The following ELP2 variants were observed in gnomAD, a reference collection of about 807,000 sequenced individuals.
The protein encoded by ELP2 is elongator complex protein 2.
Under a neutral mutation model 119.2 loss-of-function variants are expected in ELP2, and 90 were observed. The ratio of observed to expected loss-of-function variants is 0.75; its 90% CI spans 0.64 to 0.90. ELP2 has a LOEUF of 0.90. ELP2 is among the 40% of genes least tolerant of loss of function. The pLI is 0.00. For synonymous variants in ELP2, 339 were observed against 331.0 expected (o/e 1.02, Z -0.26); for missense variants, 921 against 967.8 (o/e 0.95, Z 0.64).
At chr18:36,173,623 G>C (rs900545935) in intron 21 of ELP2, among the ~76,000 whole-genome samples, 1 of 152,178 alleles carries the variant, frequency 6.6e-6, no homozygotes, top group African/African-American at 2.4e-5. Context: ...ATAGGTTCAG[G>C]AGGACTGATT....
chr18:36,143,993 T>A (rs1354961603), intron 8 of ELP2, among the ~76,000 whole-genome samples: 2 of 152,352 alleles, frequency 1.3e-5, no homozygotes, highest in East Asian at 3.9e-4. Flanking sequence ...CTTAGAACAG[T>A]ATCCCTGGAT....
intron 1 of ELP2, among the ~76,000 whole-genome samples, chr18:36,131,168 T>C (rs1598725917): frequency 6.6e-6 from 1 of 152,166 alleles, no homozygotes; most frequent in East Asian, 1.9e-4. Flanking sequence ...AGCCAGACCC[T>C]ATCTCAAAAA....
chr18:36,173,800 G>C (rs761179851), intron 21 of ELP2, among the ~76,000 whole-genome samples: 1 of 152,066 alleles, frequency 6.6e-6, no homozygotes, highest in Non-Finnish European at 1.5e-5. Context: ...TTTTTGGTTT[G>C]GGAAGCTAAT....
intron 18 of ELP2, among the ~76,000 whole-genome samples, chr18:36,166,197 CA>C (rs11450650): frequency 6.7e-6 from 1 of 148,548 alleles, no homozygotes; most frequent in Admixed American, 6.7e-5. Context: ...CGTCCCCCTG[CA>C]AAAAAAAATT....
chr18:36,168,181 A>G (rs1172413921), intron 19 of ELP2, among the ~76,000 whole-genome samples: 2 of 152,152 alleles, frequency 1.3e-5, no homozygotes, highest in Non-Finnish European at 2.9e-5. Flanking sequence ...GTGGAGTGCT[A>G]GCACAGACAG....
chr18:36,171,133 G>A lies in ELP2; in HGVS notation c.2297G>A (p.Trp766Ter), dbSNP rs1758901416. ...GATCAAGTTCCAGAAATAAATGACT[G>A]GACCCACTGTGTAGAAACAAGTCAA... is the stretch of plus-strand genomic sequence containing the variant. The part of the protein sequence containing the change: ...KTDQVPEIND[W>*]THCVETSQSQ... Residue 766 changes from tryptophan (W) to a stop codon, truncating the protein, a stop_gained, in exon 21 of 22, where the codon TGG (tryptophan) becomes TAG (stop). Coordinates refer to ENST00000358232, the MANE Select transcript of ELP2 (RefSeq NM_018255.4). LOFTEE classifies it high-confidence loss of function. The A allele has an allele frequency of 6.2e-7, 1 of 1,613,390 alleles. No homozygotes were observed. Among genetic ancestry groups the A allele is most frequent in the African/African-American group, 1.3e-5 (1 of 74,894 alleles).
At chr18:36,141,005 A>T (rs1803621143) in intron 5 of ELP2, 132 bp from the exon 6 acceptor site, 3 of 772,840 alleles carry the variant, frequency 3.9e-6, no homozygotes, top group African/African-American at 3.4e-5. Context: ...GAGCATTTTC[A>T]ATTATTCGTG....
chr18:36,148,779 C>T (rs901680715), intron 11 of ELP2, among the ~76,000 whole-genome samples: 1 of 152,064 alleles, frequency 6.6e-6, no homozygotes, highest in East Asian at 1.9e-4. Context: ...GGGAAGCTGA[C>T]GCAGGAGGAT....
At chr18:36,149,488 G>GTTTTTTGTAATTTTTTTTTTTTTTTT (rs2090324664) in intron 11 of ELP2, among the ~76,000 whole-genome samples, 1 of 125,082 alleles carries the variant, frequency 8.0e-6, no homozygotes, top group Non-Finnish European at 1.6e-5. Flanking sequence ...GTTTTGTTTT[G>GTTTTTTGTAATTTTTTTTTTTTTTTT]TTTTTTTTTT....
intron 9 of ELP2, 94 bp downstream of exon 9, chr18:36,145,128 T>A: frequency 1.1e-6 from 1 of 936,578 alleles, no homozygotes; most frequent in South Asian, 1.3e-5. Flanking sequence ...TTTACTGTGA[T>A]TAGAAATCTC....
At chr18:36,166,843 T>C in intron 18 of ELP2, 2 of 264,512 alleles carry the variant, frequency 7.6e-6, no homozygotes, top group Non-Finnish European at 1.4e-5. Context: ...TGAACTTCAG[T>C]TGAGTGTTTG....
intron 5 of ELP2, 135 bp from the exon 6 acceptor site, chr18:36,141,002 T>C (rs564008216): frequency 1.1e-3 from 826 of 764,790 alleles, no homozygotes; most frequent in Non-Finnish European, 1.6e-3. Context: ...ATTGAGCATT[T>C]TCAATTATTC....
chr18:36,162,799 A>G (rs922958400), intron 17 of ELP2, among the ~76,000 whole-genome samples: 7 of 152,192 alleles, frequency 4.6e-5, no homozygotes, highest in Non-Finnish European at 8.8e-5. Flanking sequence ...TATTTCTCTA[A>G]TGATATTAAG....
At position 36,155,879 on chromosome 18, in the gene ELP2, G is replaced by A. The variant is rs180943549; in HGVS notation, c.1276-587G>A. On this transcript the variant is annotated intron_variant, in intron 12 of 21. Coordinates refer to ENST00000358232, the MANE Select transcript of ELP2 (RefSeq NM_018255.4). ...GTTTTTGTTTAAGGAAATTTTCACT[G>A]TGTTAGGCACCTAGAATAAAACAAA... is the stretch of plus-strand genomic sequence containing the variant. Among the ~76,000 whole-genome samples, 433 of 152,316 alleles carry A rather than the reference G, an allele frequency of 2.8e-3. 4 individuals are homozygous for A. Among genetic ancestry groups the A allele is most frequent in the African/African-American group, 1.0e-2 (415 of 41,578 alleles).
In ELP2 at chr18:36,170,188, T is replaced by A. The variant is rs1449944010; in HGVS notation, c.2202T>A (p.Pro734=). ...TAVSVCPVLH[P]SQRYVVAVGL... ...TCAGCGTCTGCCCAGTGCTCCACCC[T>A]TCTCAACGGTCAGTCTCTGTGTGGG... Residue 734 remains proline (P), a synonymous_variant, in exon 20 of 22, where the codon CCT becomes CCA. Transcript: ENST00000358232. 1 of 1,614,218 alleles carries A rather than the reference T, an allele frequency of 6.2e-7. No individual in the cohort carries two copies. Among genetic ancestry groups the A allele is most frequent in the African/African-American group, 1.3e-5 (1 of 75,060 alleles).
At position 36,143,118 on chromosome 18, in the gene ELP2, CAG is replaced by C. The variant is rs2090088923; in HGVS notation, c.796+155_796+156del. 1.7e-5 allele frequency: 10 copies of C among 575,118 alleles called. No homozygotes were observed. The East Asian group carries it at 3.1e-4, about 18-fold the overall frequency. The allele number at this position is 575,118 out of a possible 1,614,324, so 35.6% of individuals were successfully genotyped here. A position where few individuals can be genotyped will look rare whatever the true frequency, so the allele number is the denominator to read the frequency against. ...TTTTTCTTTCTTTTTTTTTTTGAGA[CAG>C]AGTTTTGCTTCTTCACCTCGGCTGG... On this transcript the variant is annotated intron_variant, in intron 8 of 21. Transcript: ENST00000358232.
In ELP2 at chr18:36,130,005, G is replaced by A. The variant is rs1567966066; in HGVS notation, c.72G>A (p.Trp24Ter). 4 of 1,614,168 alleles carry A rather than the reference G, an allele frequency of 2.5e-6. No individual in the cohort carries two copies. The highest frequency in any genetic ancestry group is 3.4e-6 in the Non-Finnish European group (4 of 1,180,020). The change falls in exon 1 of 22, where the codon TGG becomes TGA. Residue 24 changes from tryptophan (W) to a stop codon, truncating the protein, a stop_gained. Coordinates refer to ENST00000358232, the MANE Select transcript of ELP2 (RefSeq NM_018255.4). LOFTEE classifies it high-confidence loss of function. ...ACCGGGTGCGGGGAGTCCTGAACTG[G>A]AGCTCTGGGCCCAGAGGACTTCTGG... is the stretch of plus-strand genomic sequence containing the variant. ...CPNRVRGVLN[W>*]SSGPRGLLAF...
At position 36,160,924 on chromosome 18, in the gene ELP2, A is replaced by G; in HGVS notation, c.1689-8A>G. Reference sequence around the variant, plus strand: ...GCTAATAGTACTTTTTTTCTTTTTAAATTTTAGATATGGGCACGGTTATGA... The same window carrying G: ...GCTAATAGTACTTTTTTTCTTTTTAGATTTTAGATATGGGCACGGTTATGA... On this transcript the variant is annotated splice_polypyrimidine_tract_variant and splice_region_variant and intron_variant, in intron 16 of 21. Coordinates refer to ENST00000358232, the MANE Select transcript of ELP2 (RefSeq NM_018255.4). 1 of 1,601,614 alleles carries G rather than the reference A, an allele frequency of 6.2e-7. No individual in the cohort carries two copies. Among genetic ancestry groups the G allele is most frequent in the Non-Finnish European group, 8.6e-7 (1 of 1,169,098 alleles).
chr18:36,130,572 G>T (rs938420221), intron 1 of ELP2, among the ~76,000 whole-genome samples: 4 of 152,160 alleles, frequency 2.6e-5, no homozygotes, highest in Non-Finnish European at 4.4e-5. Flanking sequence ...GTCAGTTTGG[G>T]GGAAAGGTCA....
Sources: allele counts gnomAD v4.1 joint callset (sites outside exome capture counted in the v4.1 genomes callset), GRCh38; gene constraint gnomAD v4.1.1; transcripts MANE v1.5; gene names NCBI Gene and HGNC (gene_info 2026-07-23, HGNC 2026-07-21).